LHFPL6: variants seen among roughly 807,000 people sequenced by gnomAD.
LHFPL6 encodes LHFPL tetraspan subfamily member 6 protein.
In LHFPL6, 9 loss-of-function variants were observed where a neutral mutation model predicts 20.6. The observed-to-expected ratio is 0.44, with a 90% CI of 0.26 to 0.76. The LOEUF (loss-of-function observed/expected upper bound fraction) is 0.76. Ranked by LOEUF, LHFPL6 falls within the 30% of genes least tolerant of loss-of-function variation. LHFPL6 has a pLI of 0.20. For missense variants in LHFPL6, 218 were observed against 253.5 expected, an observed-to-expected ratio of 0.86 and a Z score of 0.95; for synonymous variants, 105 against 98.7, an observed-to-expected ratio of 1.06 and a Z score of -0.38.
intron 3 of LHFPL6, among the ~76,000 whole-genome samples, chr13:39,370,483 C>T (rs1199658566): frequency 2.6e-5 from 4 of 152,172 alleles, no homozygotes; most frequent in African/African-American, 7.2e-5. Flanking sequence ...TTAAATTTGC[C>T]TACATTTCAA....
intron 2 of LHFPL6, among the ~76,000 whole-genome samples, chr13:39,438,820 C>CA (rs1157014793): frequency 6.6e-6 from 1 of 152,228 alleles, no homozygotes; most frequent in Non-Finnish European, 1.5e-5. Context: ...ATGCAGAGTA[C>CA]AAGAGTTGAG....
chr13:39,403,278 A>G (rs750553117), intron 2 of LHFPL6, among the ~76,000 whole-genome samples: 1 of 152,190 alleles, frequency 6.6e-6, no homozygotes, highest in Non-Finnish European at 1.5e-5. Context: ...TTTCCTCCTT[A>G]TTTCCTTGCT....
intron 2 of LHFPL6, among the ~76,000 whole-genome samples, chr13:39,402,160 A>G (rs191899616): frequency 1.2e-4 from 19 of 152,328 alleles, no homozygotes; most frequent in Admixed American, 5.9e-4. Context: ...TATTTTTGAT[A>G]TACTTATTTC....
chr13:39,394,514 T>C (rs781370094), intron 2 of LHFPL6, among the ~76,000 whole-genome samples: 50 of 152,284 alleles, frequency 3.3e-4, no homozygotes, highest in Non-Finnish European at 6.3e-4. Flanking sequence ...ATGAAAATAT[T>C]CCTAAAATCA....
intron 2 of LHFPL6, among the ~76,000 whole-genome samples, chr13:39,445,442 G>A (rs922017963): frequency 3.3e-5 from 5 of 152,118 alleles, no homozygotes; most frequent in Admixed American, 2.6e-4. Context: ...GAGGTCAGAT[G>A]AATTTCTCAC....
intron 2 of LHFPL6, among the ~76,000 whole-genome samples, chr13:39,492,540 CAA>C (rs1226317895): frequency 3.9e-5 from 6 of 152,098 alleles, no homozygotes; most frequent in Non-Finnish European, 7.4e-5. Context: ...GTTTTTAAAT[CAA>C]AGACATTCAT....
chr13:39,371,765 C>CT (rs1448457675), intron 3 of LHFPL6, among the ~76,000 whole-genome samples: 2 of 152,206 alleles, frequency 1.3e-5, no homozygotes, highest in African/African-American at 4.8e-5. Flanking sequence ...TTATAAAACT[C>CT]TAAGTGCATC....
intron 2 of LHFPL6, among the ~76,000 whole-genome samples, chr13:39,494,502 C>T (rs1234620050): frequency 6.6e-6 from 1 of 152,158 alleles, no homozygotes; most frequent in African/African-American, 2.4e-5. Context: ...GACTCCTGGC[C>T]ACCCCGCTCA....
Position 39,507,329 on chromosome 13 carries a change from C to A in LHFPL6, c.385+93503G>T, listed in dbSNP as rs150927983. ...ACAGGAGGGAAGCTGCAGTGCATTT[C>A]CTGTGCCGTCAGAGGTCTAGCAAGT... On this transcript the variant is annotated intron_variant, in intron 2 of 3. Transcript: ENST00000379589. Among the ~76,000 whole-genome samples the A allele has an allele frequency of 1.1e-4, 17 of 152,294 alleles. No homozygotes were observed. The East Asian group carries it at 3.3e-3, about 29-fold the overall frequency.
chr13:39,369,674 A>G (rs985277004), intron 3 of LHFPL6, among the ~76,000 whole-genome samples: 1 of 143,354 alleles, frequency 7.0e-6, no homozygotes, highest in Admixed American at 7.3e-5. Context: ...CATTCAATAG[A>G]TGGCAGATAT....
At chr13:39,455,259 T>G (rs948027375) in intron 2 of LHFPL6, among the ~76,000 whole-genome samples, 1 of 152,194 alleles carries the variant, frequency 6.6e-6, no homozygotes. Flanking sequence ...ATACTCCCCC[T>G]AAAGCAGCTA....
chr13:39,541,311 C>T (rs1353476734), intron 2 of LHFPL6, among the ~76,000 whole-genome samples: 1 of 152,114 alleles, frequency 6.6e-6, no homozygotes, highest in Non-Finnish European at 1.5e-5. Context: ...TCCATGTTTG[C>T]TCTTTATGAA....
chr13:39,521,445 G>A lies in LHFPL6; in HGVS notation c.385+79387C>T, dbSNP rs537712029. On this transcript the variant is annotated intron_variant, in intron 2 of 3. Coordinates refer to ENST00000379589, the MANE Select transcript of LHFPL6 (RefSeq NM_005780.3). ...ATTTCATGTGCTGAAAGGGAGATTAGTGGTTTAAGATTAGAATTAGATTTC... is the reference window on the plus strand; with the variant it reads ...ATTTCATGTGCTGAAAGGGAGATTAATGGTTTAAGATTAGAATTAGATTTC... Among the ~76,000 whole-genome samples, 101 of 152,308 alleles carry A rather than the reference G, an allele frequency of 6.6e-4. No individual in the cohort carries two copies. The Middle Eastern group carries it at 0.01, about 15-fold the overall frequency.
intron 2 of LHFPL6, among the ~76,000 whole-genome samples, chr13:39,449,285 A>T (rs1379126478): frequency 6.6e-6 from 1 of 152,250 alleles, no homozygotes; most frequent in Non-Finnish European, 1.5e-5. Context: ...AAACCAAAGA[A>T]TTAACACCTG....
At chr13:39,547,959 A>G (rs9576849) in intron 2 of LHFPL6, among the ~76,000 whole-genome samples, 14,632 of 152,110 alleles carry the variant, frequency 0.096, 886 homozygotes, top group East Asian at 0.29. Flanking sequence ...TAGGAACACA[A>G]TGGATTTATG....
intron 2 of LHFPL6, among the ~76,000 whole-genome samples, chr13:39,511,205 CA>C (rs969815385): frequency 2.7e-5 from 4 of 149,642 alleles, no homozygotes; most frequent in Non-Finnish European, 4.5e-5. Context: ...TTCAAATGGA[CA>C]AAAAAAAAGT....
intron 3 of LHFPL6, among the ~76,000 whole-genome samples, chr13:39,347,745 T>C (rs1179673814): frequency 6.6e-6 from 1 of 152,180 alleles, no homozygotes; most frequent in South Asian, 2.1e-4. Context: ...TTTAGCTAGA[T>C]TAAATACACC....
At chr13:39,573,552 T>C (rs1238301948) in intron 2 of LHFPL6, among the ~76,000 whole-genome samples, 1 of 152,170 alleles carries the variant, frequency 6.6e-6, no homozygotes, top group East Asian at 1.9e-4. Flanking sequence ...GAAAATTTTC[T>C]GAGCTTGAAG....
chr13:39,440,844 C>T (rs1872103199), intron 2 of LHFPL6, among the ~76,000 whole-genome samples: 1 of 152,094 alleles, frequency 6.6e-6, no homozygotes, highest in Non-Finnish European at 1.5e-5. Context: ...ATCTTTCCTG[C>T]CCTGCGCTGT....
Sources: allele counts gnomAD v4.1 joint callset (sites outside exome capture counted in the v4.1 genomes callset), GRCh38; gene constraint gnomAD v4.1.1; transcripts MANE v1.5; gene names NCBI Gene and HGNC (gene_info 2026-07-23, HGNC 2026-07-21).